Variants in SECTM1 observed in about 807,000 individuals in gnomAD.
SECTM1 encodes secreted and transmembrane 1, also known as secreted and transmembrane protein 1.
In SECTM1, 10 loss-of-function variants were observed where a neutral mutation model predicts 18.1. That is an observed-to-expected ratio of 0.55 (90% CI 0.34 to 0.94). The LOEUF (loss-of-function observed/expected upper bound fraction) is 0.94. SECTM1 is among the 40% of genes least tolerant of loss of function. The pLI, the probability that SECTM1 is intolerant of heterozygous loss-of-function variation, is 0.02. For missense variants in SECTM1, 297 were observed against 322.6 expected (o/e 0.92, Z 0.61); for synonymous variants, 137 against 139.2 (o/e 0.98, Z 0.11).
chr17:82,331,578 G>C (rs2052191653), intron 1 of SECTM1, among the ~76,000 whole-genome samples: 1 of 152,246 alleles, frequency 6.6e-6, no homozygotes, highest in Non-Finnish European at 1.5e-5. Flanking sequence ...AAACTCAGAT[G>C]TTACTGGGTA....
intron 3 of SECTM1, chr17:82,323,268 C>T (rs979978323): frequency 2.0e-6 from 1 of 500,614 alleles, no homozygotes; most frequent in Non-Finnish European, 3.6e-6. Context: ...CCTGGATGTG[C>T]CAGGTCCCAG....
At position 82,325,590 on chromosome 17, in the gene SECTM1, C is replaced by T. The variant is rs781172760; in HGVS notation, c.95-700G>A. On this transcript the variant is annotated intron_variant, in intron 2 of 4. Coordinates refer to ENST00000269389, the MANE Select transcript of SECTM1 (RefSeq NM_003004.3). This position sits in a 1 kb window ranked among gnomAD's most constrained non-coding sequence, Gnocchi z 7.6. ...GGGAGGTCAAGTCCTTGACACAAGC[C>T]GGCGTGTCAGTCTCTCTCTCCCGCC... is the stretch of plus-strand genomic sequence containing the variant. Among the ~76,000 whole-genome samples the T allele has an allele frequency of 4.6e-5, 7 of 152,228 alleles. No individual in the cohort carries two copies. The highest frequency in any genetic ancestry group is 7.3e-5 in the Non-Finnish European group (5 of 68,044).
Position 82,324,614 on chromosome 17 carries a change from C to T in SECTM1, c.371G>A (p.Arg124Lys). 6 of 1,430,254 alleles carry T rather than the reference C, an allele frequency of 4.2e-6. No homozygotes were observed. The highest frequency in any genetic ancestry group is 1.1e-5 in the South Asian group (1 of 88,858). 88.6% of individuals were successfully genotyped at this position (1,430,254 alleles called of 1,614,324 possible). A position where few individuals can be genotyped will look rare whatever the true frequency, so the allele number is the denominator to read the frequency against. ...CTCCAGCGTGACTTGTCTGTTATTT[C>T]TCTGGTGTCCCACGAGGTGCCACAT... ...LYMWHLVGHQ[R>K]NNRQVTLEVS... is the part of the protein sequence containing the mutation. Residue 124 changes from arginine to lysine, a missense_variant, in exon 3 of 5, where the codon AGA becomes AAA. Arg to Lys is a conservative substitution (Grantham distance 26). Coordinates refer to ENST00000269389, the MANE Select transcript of SECTM1 (RefSeq NM_003004.3).
At chr17:82,327,359 G>T (rs2052155598) in intron 1 of SECTM1, 67 bp from the exon 2 acceptor site, 1 of 916,742 alleles carries the variant, frequency 1.1e-6, no homozygotes, top group Non-Finnish European at 1.7e-6. Context: ...GGGAGCGGCT[G>T]TCACCTGGCG....
chr17:82,330,927 C>T lies in SECTM1; in HGVS notation c.-53+2773G>A, dbSNP rs1388718046. ...GCACCGTTCCGGAGATGCTGCCTCC[C>T]CACCAAGTCCCTTTAGCCCAACTGT... On this transcript the variant is annotated intron_variant, in intron 1 of 4. Coordinates refer to ENST00000269389, the MANE Select transcript of SECTM1 (RefSeq NM_003004.3). This position sits in a 1 kb window ranked among gnomAD's most constrained non-coding sequence, Gnocchi z 6.1. Among the ~76,000 whole-genome samples, 1 of 152,226 alleles carries T rather than the reference C, an allele frequency of 6.6e-6. No individual in the cohort carries two copies. Among genetic ancestry groups the T allele is most frequent in the Non-Finnish European group, 1.5e-5 (1 of 68,042 alleles).
At position 82,321,881 on chromosome 17, in the gene SECTM1, G is replaced by A. The variant is rs1473460622; in HGVS notation, c.*280C>T. The A allele has an allele frequency of 9.1e-6, 4 of 439,824 alleles. No individual in the cohort carries two copies. The highest frequency in any genetic ancestry group is 6.2e-5 in the African/African-American group (3 of 48,430). The allele number at this position is 439,824 out of a possible 1,614,324, so 27.2% of individuals were successfully genotyped here. On this transcript the variant is annotated 3_prime_UTR_variant, in exon 5 of 5. Coordinates refer to ENST00000269389, the MANE Select transcript of SECTM1 (RefSeq NM_003004.3). The stretch of plus-strand genomic sequence containing the variant: ...GGTGGCAGAAAGGGAGTCCGGGTCT[G>A]TGGGTTTGATGAGGGCAGAGGGAGG...
intron 3 of SECTM1, 125 bp from the exon 4 acceptor site, chr17:82,323,136 G>A (rs1239739820): frequency 8.5e-7 from 1 of 1,176,980 alleles, no homozygotes; most frequent in Non-Finnish European, 1.2e-6. Flanking sequence ...TTGGAAGACG[G>A]CACCGCCGTT....
In SECTM1 at chr17:82,325,228, G is replaced by A. The variant is rs189624605; in HGVS notation, c.95-338C>T. Reference sequence around the variant, plus strand: ...TGGGGTGGGTGAAGTCAGAGCCTCAGGTGTGTGCCGGGCGGCTGCGCTGTG... The same window carrying A: ...TGGGGTGGGTGAAGTCAGAGCCTCAAGTGTGTGCCGGGCGGCTGCGCTGTG... On this transcript the variant is annotated intron_variant, in intron 2 of 4. Transcript: ENST00000269389. This position sits in a 1 kb window ranked among gnomAD's most constrained non-coding sequence, Gnocchi z 7.6. 1.3e-5 allele frequency among the ~76,000 whole-genome samples: 2 copies of A among 152,208 alleles called. No individual in the cohort carries two copies. The highest frequency in any genetic ancestry group is 3.8e-4 in the East Asian group (2 of 5,198).
rs1421145681 is a variant in SECTM1, at chr17:82,325,728, C to T, written c.95-838G>A. On this transcript the variant is annotated intron_variant, in intron 2 of 4. Coordinates refer to ENST00000269389, the MANE Select transcript of SECTM1 (RefSeq NM_003004.3). This position sits in a 1 kb window ranked among gnomAD's most constrained non-coding sequence, Gnocchi z 7.6. ...TGCCTGAGATTCAGGCCGTCGGGCC[C>T]GAGCATGGTACCAGCCTGAGGTCTT... Among the ~76,000 whole-genome samples the T allele has an allele frequency of 2.6e-5, 4 of 152,224 alleles. No individual in the cohort carries two copies. The highest frequency in any genetic ancestry group is 2.1e-4 in the South Asian group (1 of 4,834).
chr17:82,324,237 A>G (rs73999865), intron 3 of SECTM1, among the ~76,000 whole-genome samples: 9,263 of 151,810 alleles, frequency 0.061, 386 homozygotes, highest in African/African-American at 0.11. Flanking sequence ...TGCAGCCCCC[A>G]CCCCTGACAG....
intron 3 of SECTM1, 64 bp downstream of exon 3, chr17:82,324,518 C>A: frequency 3.2e-6 from 1 of 308,564 alleles, no homozygotes; most frequent in Non-Finnish European, 5.9e-6. Flanking sequence ...CCTGCCCAGG[C>A]CCCCTCCCCT....
Position 82,324,605 on chromosome 17 carries a change from C to T in SECTM1, c.380G>A (p.Arg127Lys), listed in dbSNP as rs141592647. Residue 127 changes from arginine to lysine, a missense_variant, in exon 3 of 5, where the codon AGA becomes AAA. By Grantham distance (26) the Arg-to-Lys change is conservative (BLOSUM62 2). Transcript: ENST00000269389. ...ACCTGAAACCTCCAGCGTGACTTGT[C>T]TGTTATTTCTCTGGTGTCCCACGAG... The part of the protein sequence containing the change: ...WHLVGHQRNN[R>K]QVTLEVSGAE... The T allele has an allele frequency of 1.8e-5, 25 of 1,392,838 alleles. No homozygotes were observed. The highest frequency in any genetic ancestry group is 2.3e-4 in the Middle Eastern group (1 of 4,386). 86.3% of individuals were successfully genotyped at this position (1,392,838 alleles called of 1,614,324 possible).
Position 82,329,762 on chromosome 17 carries a change from T to C in SECTM1, c.-52-2470A>G, listed in dbSNP as rs2052176717. On this transcript the variant is annotated intron_variant, in intron 1 of 4. Transcript: ENST00000269389. The surrounding 1 kb of genome is among the most constrained non-coding windows in gnomAD (Gnocchi z 7.6). ...TCTCCGTCTCCAGCGTCCAGAGGCA[T>C]CCGCATCCCTCGGCTCATGGCCCCT... 6.6e-6 allele frequency among the ~76,000 whole-genome samples: 1 copy of C among 152,060 alleles called. No homozygotes were observed. The highest frequency in any genetic ancestry group is 2.4e-5 in the African/African-American group (1 of 41,390).
chr17:82,330,165 C>T lies in SECTM1; in HGVS notation c.-52-2873G>A, dbSNP rs1487297651. ...CCAGCTCAGCCACCCACCTTGGAACCGTGCAGATGGACAGCAGGGAGGGTC... is the reference window on the plus strand; with the variant it reads ...CCAGCTCAGCCACCCACCTTGGAACTGTGCAGATGGACAGCAGGGAGGGTC... On this transcript the variant is annotated intron_variant, in intron 1 of 4. Coordinates refer to ENST00000269389, the MANE Select transcript of SECTM1 (RefSeq NM_003004.3). This position sits in a 1 kb window ranked among gnomAD's most constrained non-coding sequence, Gnocchi z 6.1. 1.3e-5 allele frequency among the ~76,000 whole-genome samples: 2 copies of T among 152,204 alleles called. No homozygotes were observed. The highest frequency in any genetic ancestry group is 4.8e-5 in the African/African-American group (2 of 41,454).
intron 2 of SECTM1, 113 bp downstream of exon 2, chr17:82,327,034 T>G: frequency 1.3e-6 from 1 of 765,280 alleles, no homozygotes; most frequent in Non-Finnish European, 2.2e-6. Flanking sequence ...GAGTCAGTCA[T>G]TATCGGGGGT....
rs770095519 is a variant in SECTM1, at chr17:82,322,125, G to A, written c.*36C>T. The A allele has an allele frequency of 6.2e-7, 1 of 1,605,840 alleles. No homozygotes were observed. The highest frequency in any genetic ancestry group is 1.1e-5 in the South Asian group (1 of 90,918). On this transcript the variant is annotated 3_prime_UTR_variant, in exon 5 of 5. Transcript: ENST00000269389. ...CCGCCACCCAAGGTCGGCACTCAGG[G>A]CTGGCTCTCCTGTGTCCTCTCTGCC...
intron 4 of SECTM1, 67 bp from the exon 5 acceptor site, chr17:82,322,437 G>T: frequency 1.3e-6 from 2 of 1,482,070 alleles, no homozygotes; most frequent in East Asian, 2.3e-5. Flanking sequence ...CTGCCCTGGG[G>T]CGTGCGTTCA....
intron 1 of SECTM1, among the ~76,000 whole-genome samples, chr17:82,327,825 G>A (rs541970241): frequency 6.6e-6 from 1 of 152,030 alleles, no homozygotes; most frequent in African/African-American, 2.4e-5. Flanking sequence ...CGTGGGTCCT[G>A]TCCAGACCTC....
chr17:82,323,467 C>T (rs527753429), intron 3 of SECTM1, among the ~76,000 whole-genome samples: 116 of 123,286 alleles, frequency 9.4e-4, no homozygotes, highest in Admixed American at 2.8e-3. Flanking sequence ...TTGGGTGACC[C>T]GGGTAGGTCG....
Sources: allele counts gnomAD v4.1 joint callset (sites outside exome capture counted in the v4.1 genomes callset), GRCh38; gene constraint gnomAD v4.1.1; non-coding constraint Gnocchi (gnomAD v3.1); transcripts MANE v1.5; gene names NCBI Gene and HGNC (gene_info 2026-07-23, HGNC 2026-07-21).